The following TNNI3K variants were observed in gnomAD, a reference collection of about 807,000 sequenced individuals.
TNNI3K encodes the protein TNNI3 interacting kinase, also known as serine/threonine-protein kinase TNNI3K.
Under a neutral mutation model 114.5 loss-of-function variants are expected in TNNI3K, and 140 were observed. The ratio of observed to expected loss-of-function variants is 1.22; its 90% CI spans 1.07 to 1.41. TNNI3K has a LOEUF of 1.41. Among genes scored for constraint, TNNI3K ranks in the 40% most tolerant of loss-of-function variants. The probability of loss-of-function intolerance (pLI) is 0.00; values close to 1 mark genes in which losing one functional copy is unlikely to be tolerated. For synonymous variants in TNNI3K, 347 were observed against 347.5 expected (o/e 1.00, Z 0.02); for missense variants, 1,125 against 1,007.6 (o/e 1.12, Z -1.58).
At chr1:74,410,306 T>A (rs970307385) in intron 17 of TNNI3K, among the ~76,000 whole-genome samples, 69 of 152,154 alleles carry the variant, frequency 4.5e-4, no homozygotes, top group Non-Finnish European at 1.0e-4. Flanking sequence ...ACTTTAGCTG[T>A]CCCAAAGAGC....
At chr1:74,503,647 G>A (rs1159655413) in intron 23 of TNNI3K, among the ~76,000 whole-genome samples, 1 of 152,104 alleles carries the variant, frequency 6.6e-6, no homozygotes, top group Non-Finnish European at 1.5e-5. Flanking sequence ...CTTCCTGAAC[G>A]TCAGTTATCA....
At position 74,367,327 on chromosome 1, in the gene TNNI3K, T is replaced by A; in HGVS notation, c.1249T>A (p.Ser417Thr). Reference sequence around the variant, plus strand: ...AGATGAATTGCCCTGTAATGAATATTCTCAGCCTGGAGGAGGTACCCCTTT... The same window carrying A: ...AGATGAATTGCCCTGTAATGAATATACTCAGCCTGGAGGAGGTACCCCTTT... Reference protein sequence around the residue: ...PQDELPCNEYSQPGGDGSYVS... With the variant: ...PQDELPCNEYTQPGGDGSYVS... Residue 417 changes from serine to threonine, a missense_variant, in exon 12 of 25, where the codon TCT (serine) becomes ACT (threonine). Physicochemically the swap from Ser to Thr is moderately conservative, Grantham distance 58. Coordinates refer to ENST00000326637, the MANE Select transcript of TNNI3K (RefSeq NM_015978.3). 6.2e-7 allele frequency: 1 copy of A among 1,612,206 alleles called. No homozygotes were observed. The highest frequency in any genetic ancestry group is 1.7e-4 in the Middle Eastern group (1 of 6,042).
intron 5 of TNNI3K, among the ~76,000 whole-genome samples, chr1:74,308,443 C>T (rs1209091142): frequency 6.6e-6 from 1 of 151,962 alleles, no homozygotes; most frequent in Non-Finnish European, 1.5e-5. Flanking sequence ...AGGCAGAAAT[C>T]AAAAAATTAT....
intron 4 of TNNI3K, among the ~76,000 whole-genome samples, chr1:74,251,918 G>T (rs1292299349): frequency 6.6e-6 from 1 of 152,154 alleles, no homozygotes; most frequent in Non-Finnish European, 1.5e-5. Flanking sequence ...GTGCTAAATT[G>T]TCTTTAGTAC....
At position 74,492,111 on chromosome 1, in the gene TNNI3K, A is replaced by C; in HGVS notation, c.2196A>C (p.Ala732=). 1 of 1,607,120 alleles carries C rather than the reference A, an allele frequency of 6.2e-7. No individual in the cohort carries two copies. The highest frequency in any genetic ancestry group is 1.1e-5 in the South Asian group (1 of 90,190). ...CCTCCACTCAGCTGATGTCTCCTGC[A>C]TCAAGTAACAGCAGTGGGTCTCTCT... is the stretch of plus-strand genomic sequence containing the variant. ...CLCNIELMSP[A]SSNSSGSLSP... is the part of the protein sequence containing the mutation. Residue 732 remains alanine, a synonymous_variant, in exon 23 of 25, where the codon GCA becomes GCC. Transcript: ENST00000326637.
At chr1:74,530,093 G>C (rs1483738152) in intron 23 of TNNI3K, among the ~76,000 whole-genome samples, 1 of 152,144 alleles carries the variant, frequency 6.6e-6, no homozygotes. Context: ...GCCTCCCAAA[G>C]TGCTGGGATT....
chr1:74,247,719 T>C (rs1383060448), intron 2 of TNNI3K, among the ~76,000 whole-genome samples: 2 of 152,124 alleles, frequency 1.3e-5, no homozygotes, highest in African/African-American at 2.4e-5. Flanking sequence ...AGAGTGCTGA[T>C]TGGTGCATCC....
chr1:74,236,370 T>C (rs1270069168), intron 2 of TNNI3K, among the ~76,000 whole-genome samples, 160 bp downstream of exon 2: 1 of 151,812 alleles, frequency 6.6e-6, no homozygotes, highest in Non-Finnish European at 1.5e-5. Context: ...ACCACTCATA[T>C]AGCTCTCAAA....
intron 2 of TNNI3K, among the ~76,000 whole-genome samples, chr1:74,242,884 C>A (rs575760535): frequency 6.6e-6 from 1 of 150,908 alleles, no homozygotes; most frequent in Non-Finnish European, 1.5e-5. Flanking sequence ...TATTGTTCTC[C>A]CTCTCCTTCT....
At chr1:74,375,675 A>G (rs1037734665) in intron 17 of TNNI3K, 8 of 451,896 alleles carry the variant, frequency 1.8e-5, no homozygotes, top group African/African-American at 1.4e-4. Flanking sequence ...TTGACACCCT[A>G]TGATATCATC....
intron 5 of TNNI3K, among the ~76,000 whole-genome samples, chr1:74,305,227 T>C (rs1207202263): frequency 2.0e-5 from 3 of 152,166 alleles, no homozygotes; most frequent in Non-Finnish European, 4.4e-5. Context: ...TCAGGCAGGC[T>C]GCAAGTAGTG....
At chr1:74,364,274 GGGTATGA>G (rs1662145602) in intron 11 of TNNI3K, among the ~76,000 whole-genome samples, 1 of 151,732 alleles carries the variant, frequency 6.6e-6, no homozygotes, top group South Asian at 2.1e-4. Context: ...CAAAACACTG[GGGTATGA>G]GTCAAGACAC....
intron 17 of TNNI3K, chr1:74,371,828 G>A (rs1288385798): frequency 6.6e-6 from 1 of 151,664 alleles, no homozygotes; most frequent in Non-Finnish European, 1.5e-5. Context: ...ATTGAAAGAT[G>A]AATCCAGCAT....
chr1:74,281,334 ATG>A (rs149830701), intron 5 of TNNI3K, among the ~76,000 whole-genome samples: 1 of 147,938 alleles, frequency 6.8e-6, no homozygotes. Context: ...ACAATAATAG[ATG>A]TGTGTGTGTG....
chr1:74,484,201 C>A, intron 21 of TNNI3K, among the ~76,000 whole-genome samples: 1 of 121,416 alleles, frequency 8.2e-6, no homozygotes, highest in African/African-American at 2.9e-5. Context: ...ATAATATCTT[C>A]CCTGGTTGAT....
chr1:74,525,404 G>A (rs576299336), intron 23 of TNNI3K, among the ~76,000 whole-genome samples: 32 of 152,254 alleles, frequency 2.1e-4, no homozygotes, highest in African/African-American at 7.7e-4. Flanking sequence ...CTTAAGGACA[G>A]CAGCTAGGAA....
rs544049542 is a variant in TNNI3K, at chr1:74,503,383, A to G, written c.2351+11117A>G. The stretch of plus-strand genomic sequence containing the variant: ...TCAAAGAATGCTGATTTGAAATATG[A>G]TATCTATAGAATTTACAAAAGACTG... On this transcript the variant is annotated intron_variant, in intron 23 of 24. Transcript: ENST00000326637. Among the ~76,000 whole-genome samples, 33 of 152,320 alleles carry G rather than the reference A, an allele frequency of 2.2e-4. No individual in the cohort carries two copies. The South Asian group carries it at 6.8e-3, about 32-fold the overall frequency.
chr1:74,282,237 A>G (rs933888430), intron 5 of TNNI3K, among the ~76,000 whole-genome samples: 4 of 152,070 alleles, frequency 2.6e-5, no homozygotes, highest in African/African-American at 4.8e-5. Context: ...TGACCATGTC[A>G]TATCTGCTAC....
chr1:74,291,486 G>A (rs906360744), intron 5 of TNNI3K, among the ~76,000 whole-genome samples: 2 of 151,346 alleles, frequency 1.3e-5, no homozygotes, highest in Non-Finnish European at 3.0e-5. Flanking sequence ...GTTTTATGTC[G>A]GGAATAGGTA....
Sources: gnomAD v4.1 joint callset for allele counts (sites outside exome capture counted in the v4.1 genomes callset) on GRCh38, gnomAD v4.1.1 for gene constraint, MANE v1.5 for transcripts, NCBI Gene and HGNC (gene_info 2026-07-23, HGNC 2026-07-21) for gene names.